Variants in POLQ observed in about 807,000 individuals in gnomAD.
POLQ encodes the protein epididymis secretory sperm binding protein.
POLQ carries 233 observed loss-of-function variants against 259.2 expected under a neutral mutation model. The ratio of observed to expected loss-of-function variants is 0.90; its 90% CI spans 0.81 to 1.00. The LOEUF (loss-of-function observed/expected upper bound fraction) is 1.00, where lower values mean the gene tolerates loss of function less well. Among genes scored for constraint, POLQ ranks in the 50% least tolerant of loss-of-function variants. The pLI is 0.00. For missense variants in POLQ, 2,871 were observed against 3,051.6 expected, an observed-to-expected ratio of 0.94 and a Z score of 1.39; for synonymous variants, 1,025 against 1,048.8, an observed-to-expected ratio of 0.98 and a Z score of 0.44.
rs780393378 is a variant in POLQ at position 121,481,707 on chromosome 3, T to C, written c.6076A>G (p.Ser2026Gly). 6.2e-7 allele frequency: 1 copy of C among 1,614,144 alleles called. No homozygotes were observed. The highest frequency in any genetic ancestry group is 1.1e-5 in the South Asian group (1 of 91,082). Residue 2026 changes from serine (S) to glycine (G), a missense_variant, in exon 19 of 30, where the codon AGC becomes GGC. Ser to Gly is a moderately conservative substitution (Grantham distance 56). Transcript: ENST00000264233. Reference sequence around the variant, plus strand: ...AGCCCCAGGCTTTGAATCCCTTGGCTGGTCTCCATCCCTTCTAGGAGTGGA... The same window carrying C: ...AGCCCCAGGCTTTGAATCCCTTGGCCGGTCTCCATCCCTTCTAGGAGTGGA... ...ELPLLEGMET[S>G]QGIQSLGLNA...
chr3:121,460,306 T>C, intron 24 of POLQ, 72 bp from the exon 25 acceptor site: 1 of 1,164,672 alleles, frequency 8.6e-7, no homozygotes, highest in Non-Finnish European at 1.2e-6. Flanking sequence ...CTATATCATA[T>C]AATTGAGCAG....
In POLQ at chr3:121,460,096, A is replaced by G. The variant is rs762653253; in HGVS notation, c.7106T>C (p.Ile2369Thr). ...FRSIAAEWKM[I>T]EPESVGDDLR... The stretch of plus-strand genomic sequence containing the variant: ...ATCATCCCCAACAGACTCTGGCTCA[A>G]TCATCTTCCACTCTGCTGCAATGCT... The change falls in exon 25 of 30, where the codon ATT becomes ACT. Residue 2369 changes from isoleucine (I) to threonine (T), a missense_variant. This residue lies in a region of POLQ where 2,080 missense variants were observed against 2,126.0 expected (regional missense o/e 0.98). Transcript: ENST00000264233. 1.6e-5 allele frequency: 26 copies of G among 1,614,010 alleles called. No homozygotes were observed. In the South Asian group the frequency reaches 2.3e-4, roughly 14 times the overall value.
At chr3:121,453,616 G>A (rs1303977553) in intron 25 of POLQ, among the ~76,000 whole-genome samples, 11 of 152,198 alleles carry the variant, frequency 7.2e-5, no homozygotes, top group South Asian at 2.1e-4. Context: ...GAGCCGATGC[G>A]ATCAACTGGA....
At chr3:121,458,291 C>T (rs933785683) in intron 25 of POLQ, among the ~76,000 whole-genome samples, 3 of 151,762 alleles carry the variant, frequency 2.0e-5, no homozygotes, top group Admixed American at 6.6e-5. Flanking sequence ...TGCTAAATGA[C>T]GAGTTAATGG....
chr3:121,469,322 G>A (rs1248341120), intron 22 of POLQ, among the ~76,000 whole-genome samples: 1 of 151,786 alleles, frequency 6.6e-6, no homozygotes, highest in Non-Finnish European at 1.5e-5. Flanking sequence ...GAGAAATTTT[G>A]TTACTGTGAT....
intron 25 of POLQ, among the ~76,000 whole-genome samples, chr3:121,452,997 G>C (rs1490287782): frequency 6.6e-6 from 1 of 152,136 alleles, no homozygotes; most frequent in Admixed American, 6.5e-5. Context: ...CCCCAGTAGG[G>C]GCAGACTGAC....
intron 3 of POLQ, among the ~76,000 whole-genome samples, chr3:121,540,349 G>C (rs1330036371): frequency 1.3e-5 from 2 of 152,106 alleles, no homozygotes; most frequent in African/African-American, 4.8e-5. Flanking sequence ...TATATGCCCG[G>C]CCTAAAGACA....
chr3:121,542,397 GAA>G (rs2048497055), intron 2 of POLQ, among the ~76,000 whole-genome samples: 1 of 151,760 alleles, frequency 6.6e-6, no homozygotes, highest in Non-Finnish European at 1.5e-5. Flanking sequence ...TCCAAAAAAA[GAA>G]AAAAGAAAGG....
In POLQ at chr3:121,544,310, G is replaced by A. The variant is rs145765444; in HGVS notation, c.343+417C>T. ...GGAAGTTGCAGTAAGCCCACATAGC[G>A]CCACTGCACTCCAGCCTGGAGACAA... is the stretch of plus-strand genomic sequence containing the variant. On this transcript the variant is annotated intron_variant, in intron 2 of 29. Coordinates refer to ENST00000264233, the MANE Select transcript of POLQ (RefSeq NM_199420.4). 3.1e-3 allele frequency among the ~76,000 whole-genome samples: 476 copies of A among 151,822 alleles called. 8 individuals carry two copies. Among genetic ancestry groups the A allele is most frequent in the African/African-American group, 0.011 (452 of 41,392 alleles).
intron 23 of POLQ, 61 bp from the exon 24 acceptor site, chr3:121,467,701 C>G: frequency 6.6e-7 from 1 of 1,518,004 alleles, no homozygotes; most frequent in South Asian, 1.2e-5. Flanking sequence ...TGAAAAAGGT[C>G]TGATTTTCAG....
chr3:121,473,198 G>C (rs2047899329), intron 21 of POLQ, 152 bp downstream of exon 21: 1 of 678,670 alleles, frequency 1.5e-6, no homozygotes, highest in South Asian at 2.7e-5. Flanking sequence ...AGAATTTGTG[G>C]GCTACCAAAC....
intron 24 of POLQ, among the ~76,000 whole-genome samples, chr3:121,462,088 T>C (rs577286016): frequency 1.9e-4 from 29 of 152,344 alleles, no homozygotes; most frequent in African/African-American, 7.0e-4. Context: ...TAATGGATTT[T>C]TGGATTAGAA....
intron 14 of POLQ, chr3:121,494,963 C>A (rs116528611): frequency 0.013 from 7,141 of 536,670 alleles, no homozygotes; most frequent in South Asian, 0.036. Flanking sequence ...TACAAATTTT[C>A]AAAAAAAAAA....
At chr3:121,485,009 C>A in intron 17 of POLQ, 32 bp downstream of exon 17, 2 of 1,527,174 alleles carry the variant, frequency 1.3e-6, no homozygotes, top group South Asian at 1.2e-5. Flanking sequence ...ACAGTAATTA[C>A]ATAGTGACTT....
At chr3:121,502,126 T>C (rs1175570533) in intron 12 of POLQ, among the ~76,000 whole-genome samples, 1 of 152,132 alleles carries the variant, frequency 6.6e-6, no homozygotes, top group Non-Finnish European at 1.5e-5. Flanking sequence ...ATAAAAACAG[T>C]ATCATTACAT....
chr3:121,460,731 C>G (rs1400373842), intron 24 of POLQ, among the ~76,000 whole-genome samples: 1 of 152,020 alleles, frequency 6.6e-6, no homozygotes, highest in African/African-American at 2.4e-5. Flanking sequence ...GAAATGTGTG[C>G]CCTGATTTGA....
chr3:121,528,781 C>A (rs1289325676), intron 7 of POLQ, among the ~76,000 whole-genome samples: 1 of 152,000 alleles, frequency 6.6e-6, no homozygotes, highest in East Asian at 1.9e-4. Context: ...GGTGAAACCT[C>A]ATCTCTACAC....
chr3:121,511,118 C>T (rs575891382), intron 10 of POLQ, among the ~76,000 whole-genome samples: 53 of 148,548 alleles, frequency 3.6e-4, no homozygotes, highest in African/African-American at 1.0e-3. Context: ...CCCAACTACT[C>T]GGGAGGCTGA....
intron 14 of POLQ, chr3:121,494,734 G>C (rs1261180026): frequency 8.4e-6 from 13 of 1,555,638 alleles, no homozygotes; most frequent in Non-Finnish European, 1.1e-5. Flanking sequence ...AGGTGAACTC[G>C]GAAGACAAAG....
Sources: allele counts gnomAD v4.1 joint callset (sites outside exome capture counted in the v4.1 genomes callset), GRCh38; gene constraint gnomAD v4.1.1; regional missense constraint gnomAD v4.1.1; transcripts MANE v1.5; gene names NCBI Gene and HGNC (gene_info 2026-07-23, HGNC 2026-07-21).